GFPT1: variants seen among roughly 807,000 people sequenced by gnomAD.
GFPT1 encodes glutamine--fructose-6-phosphate transaminase 1.
Under a neutral mutation model 92.0 loss-of-function variants are expected in GFPT1, and 40 were observed. The ratio of observed to expected loss-of-function variants is 0.43; its 90% CI spans 0.34 to 0.57. The LOEUF (loss-of-function observed/expected upper bound fraction) is 0.57. Ranked by LOEUF, GFPT1 falls within the 20% of genes least tolerant of loss-of-function variation. The pLI is 0.02. For missense variants in GFPT1, 448 were observed against 869.1 expected (o/e 0.52, Z 6.09); for synonymous variants, 269 against 280.6 (o/e 0.96, Z 0.41).
At chr2:69,334,035 A>G (rs1670736332) in intron 15 of GFPT1, among the ~76,000 whole-genome samples, 1 of 152,166 alleles carries the variant, frequency 6.6e-6, no homozygotes, top group African/African-American at 2.4e-5. Context: ...AGTTACCTGT[A>G]ATCCCAGCTA....
At chr2:69,378,156 C>T (rs945163182) in intron 1 of GFPT1, among the ~76,000 whole-genome samples, 2 of 152,178 alleles carry the variant, frequency 1.3e-5, no homozygotes, top group Non-Finnish European at 2.9e-5. Flanking sequence ...CAGTGGCCGC[C>T]GCCATGCCCG....
Position 69,369,990 on chromosome 2 carries a change from A to T in GFPT1, c.223+11T>A, listed in dbSNP as rs766246690. 2.1e-6 allele frequency: 3 copies of T among 1,412,796 alleles called. No individual in the cohort carries two copies. The highest frequency in any genetic ancestry group is 2.0e-6 in the Non-Finnish European group (2 of 996,184). The allele number at this position is 1,412,796 out of a possible 1,614,324, so 87.5% of individuals were successfully genotyped here. On this transcript the variant is annotated intron_variant, in intron 3 of 19. Transcript: ENST00000357308. ...GGGGAAAGGGGACAAAAATCAAATTAAGTACGTTACTGTGAACTTCTTCAT... is the reference window on the plus strand; with the variant it reads ...GGGGAAAGGGGACAAAAATCAAATTTAGTACGTTACTGTGAACTTCTTCAT...
chr2:69,355,083 T>C (rs1302813284), intron 7 of GFPT1, among the ~76,000 whole-genome samples: 1 of 147,426 alleles, frequency 6.8e-6, no homozygotes, highest in Non-Finnish European at 1.5e-5. Context: ...TTTTTGTTTA[T>C]TTGTTTGTTT....
In GFPT1 at chr2:69,338,005, C is replaced by G; in HGVS notation, c.1375G>C (p.Ala459Pro). Residue 459 changes from alanine to proline, a missense_variant, in exon 15 of 20, where the codon GCT (alanine) becomes CCT (proline). Coordinates refer to ENST00000357308, the MANE Select transcript of GFPT1 (RefSeq NM_001244710.2). The stretch of plus-strand genomic sequence containing the variant: ...GTGTTTGTGATCCCCACAGTTAAAG[C>G]TCCTCTCTCCTTACAGTAACGAAGA... ...MGLRYCKERG[A>P]LTVGITNTVG... 1.2e-6 allele frequency: 2 copies of G among 1,614,046 alleles called. No homozygotes were observed. The highest frequency in any genetic ancestry group is 1.7e-6 in the Non-Finnish European group (2 of 1,179,918).
At chr2:69,328,571 T>C (rs1370431232) in intron 17 of GFPT1, 133 bp from the exon 18 acceptor site, 1 of 641,828 alleles carries the variant, frequency 1.6e-6, no homozygotes, top group African/African-American at 1.8e-5. Flanking sequence ...CACTGATCTA[T>C]AAATATATCT....
At position 69,329,346 on chromosome 2, in the gene GFPT1, A is replaced by C; in HGVS notation, c.1676T>G (p.Leu559Arg). 1 of 1,613,282 alleles carries C rather than the reference A, an allele frequency of 6.2e-7. No individual in the cohort carries two copies. The highest frequency in any genetic ancestry group is 1.3e-5 in the African/African-American group (1 of 75,062). The change falls in exon 17 of 20, where the codon CTG (leucine) becomes CGG (arginine). Residue 559 changes from leucine to arginine, a missense_variant. This residue lies in a region of GFPT1 where 73 missense variants were observed against 103.5 expected (regional missense o/e 0.71). Coordinates refer to ENST00000357308, the MANE Select transcript of GFPT1 (RefSeq NM_001244710.2). The part of the protein sequence containing the change: ...ATELYHQKSV[L>R]IMGRGYHYAT... Reference sequence around the variant, plus strand: ...ATAATGATAGCCTCGTCCCATTATCAGAACTGACTTCTGATGATAAAGTTC... The same window carrying C: ...ATAATGATAGCCTCGTCCCATTATCCGAACTGACTTCTGATGATAAAGTTC...
chr2:69,348,659 C>A (rs899683848), intron 10 of GFPT1, among the ~76,000 whole-genome samples: 7 of 152,156 alleles, frequency 4.6e-5, no homozygotes, highest in African/African-American at 1.4e-4. Flanking sequence ...TGTCCACCAC[C>A]AGACAAATTC....
chr2:69,361,269 G>A lies in GFPT1; in HGVS notation c.350-1943C>T, dbSNP rs548961301. 2.2e-3 allele frequency among the ~76,000 whole-genome samples: 338 copies of A among 151,864 alleles called. 3 individuals carry two copies. Among genetic ancestry groups the A allele is most frequent in the African/African-American group, 7.9e-3 (327 of 41,460 alleles). On this transcript the variant is annotated intron_variant, in intron 4 of 19. Coordinates refer to ENST00000357308, the MANE Select transcript of GFPT1 (RefSeq NM_001244710.2). Reference sequence around the variant, plus strand: ...TCGAGACCAGCCTAGCCAACATGGTGAAACCTTGTCTCTACTAAAAATACA... The same window carrying A: ...TCGAGACCAGCCTAGCCAACATGGTAAAACCTTGTCTCTACTAAAAATACA...
intron 3 of GFPT1, among the ~76,000 whole-genome samples, chr2:69,365,243 T>A (rs1042243294): frequency 1.3e-5 from 2 of 152,000 alleles, no homozygotes; most frequent in Non-Finnish European, 2.9e-5. Context: ...TTTGGGAGGC[T>A]GAGGCAGGTG....
chr2:69,357,167 T>C (rs1671357968), intron 6 of GFPT1, among the ~76,000 whole-genome samples: 1 of 152,248 alleles, frequency 6.6e-6, no homozygotes, highest in South Asian at 2.1e-4. Flanking sequence ...CTCCATCATC[T>C]ACCTATCTAT....
intron 1 of GFPT1, among the ~76,000 whole-genome samples, chr2:69,375,517 A>T (rs1671849910): frequency 6.6e-6 from 1 of 152,186 alleles, no homozygotes; most frequent in Admixed American, 6.5e-5. Flanking sequence ...ATTATGCCCT[A>T]AAAAAGAGAA....
intron 17 of GFPT1, 93 bp from the exon 18 acceptor site, chr2:69,328,531 C>T: frequency 2.3e-6 from 2 of 855,728 alleles, no homozygotes; most frequent in South Asian, 1.4e-5. Context: ...TGTCAAGCCA[C>T]TGTCTATCTA....
rs190733172 is a variant in GFPT1 at position 69,368,715 on chromosome 2, C to T, written c.223+1286G>A. Among the ~76,000 whole-genome samples, 344 of 150,094 alleles carry T rather than the reference C, an allele frequency of 2.3e-3. 3 individuals are homozygous for T. Among genetic ancestry groups the T allele is most frequent in the South Asian group, 0.011 (50 of 4,760 alleles). On this transcript the variant is annotated intron_variant, in intron 3 of 19. Transcript: ENST00000357308. ...TTGCACTCCAGCCTGGGCGTTACAG[C>T]GAGACTCCATCTGGGAAGGGAAGAA... is the stretch of plus-strand genomic sequence containing the variant.
At chr2:69,337,793 TTC>T in intron 15 of GFPT1, 103 bp downstream of exon 15, 1 of 919,718 alleles carries the variant, frequency 1.1e-6, no homozygotes, top group South Asian at 1.3e-5. Flanking sequence ...AATGTGTGAG[TTC>T]TATAACTGCT....
At chr2:69,339,351 CTTGT>C (rs1330996986) in intron 13 of GFPT1, among the ~76,000 whole-genome samples, 4 of 152,050 alleles carry the variant, frequency 2.6e-5, no homozygotes, top group Non-Finnish European at 4.4e-5. Context: ...TTTTAGAAAT[CTTGT>C]TTAACAGGGC....
rs1317543086 is a variant in GFPT1, at chr2:69,324,632, CAAT to C, written c.*1554_*1556del. 2 of 151,974 alleles carry C rather than the reference CAAT, an allele frequency of 1.3e-5. No homozygotes were observed. Among genetic ancestry groups the C allele is most frequent in the Non-Finnish European group, 2.9e-5 (2 of 67,966 alleles). 9.4% of individuals were successfully genotyped at this position (151,974 alleles called of 1,614,324 possible). ...GAATTCTATGCTTCTCTGGCAACAA[CAAT>C]AACTATTAGAAAATCTTAACCTCAC... On this transcript the variant is annotated 3_prime_UTR_variant, in exon 20 of 20. Transcript: ENST00000357308.
intron 6 of GFPT1, among the ~76,000 whole-genome samples, chr2:69,357,349 T>C (rs894226556): frequency 6.6e-6 from 1 of 152,140 alleles, no homozygotes; most frequent in Non-Finnish European, 1.5e-5. Context: ...ATGCACACCA[T>C]ACAACTCCAT....
At chr2:69,347,235 G>A (rs1199572479) in intron 11 of GFPT1, among the ~76,000 whole-genome samples, 1 of 150,054 alleles carries the variant, frequency 6.7e-6, no homozygotes, top group Admixed American at 6.7e-5. Context: ...GTTTGTAGTA[G>A]AGATAAGGTC....
intron 17 of GFPT1, 28 bp downstream of exon 17, chr2:69,329,269 G>A (rs1670603221): frequency 6.2e-7 from 1 of 1,607,218 alleles, no homozygotes; most frequent in Non-Finnish European, 8.5e-7. Flanking sequence ...TCAATGGACT[G>A]ATACTAATTA....
Sources: allele counts gnomAD v4.1 joint callset (sites outside exome capture counted in the v4.1 genomes callset), GRCh38; gene constraint gnomAD v4.1.1; regional missense constraint gnomAD v4.1.1; transcripts MANE v1.5; gene names NCBI Gene and HGNC (gene_info 2026-07-23, HGNC 2026-07-21).